GPM6B: variants seen among roughly 807,000 people sequenced by gnomAD.
GPM6B encodes the protein neuronal membrane glycoprotein M6-b.
GPM6B carries 4 observed loss-of-function variants against 27.2 expected under a neutral mutation model. The ratio of observed to expected loss-of-function variants is 0.15; its 90% CI spans 0.07 to 0.34. The LOEUF (loss-of-function observed/expected upper bound fraction) is 0.34. Among genes scored for constraint, GPM6B ranks in the 10% least tolerant of loss-of-function variants. GPM6B has a pLI of 1.00. For missense variants in GPM6B, 183 were observed against 261.9 expected, an observed-to-expected ratio of 0.70 and a Z score of 2.08; for synonymous variants, 124 against 103.1, an observed-to-expected ratio of 1.20 and a Z score of -1.23.
chrX:13,775,027 G>GT (rs1221945271), intron 7 of GPM6B, among the ~76,000 whole-genome samples: 4 of 111,695 alleles, frequency 3.6e-5, no homozygotes, highest in Non-Finnish European at 7.5e-5. Flanking sequence ...TTTAAAGGTG[G>GT]TTTTTTTCAT....
chrX:13,896,695 G>A lies in GPM6B; in HGVS notation c.-198+41632C>T, dbSNP rs1239603418. 8.1e-5 allele frequency among the ~76,000 whole-genome samples: 9 copies of A among 110,450 alleles called. No individual in the cohort carries two copies. In the Admixed American group the frequency reaches 8.7e-4, roughly 11 times the overall value. ...TGATTTTCCTGCCTCAGCCTCCCAA[G>A]TAGCTGAGACTACAGGTGTGTGCCA... On this transcript the variant is annotated intron_variant, in intron 1 of 6. Transcript: ENST00000398361.
At chrX:13,901,155 T>C (rs1185356225) in intron 1 of GPM6B, among the ~76,000 whole-genome samples, 2 of 111,918 alleles carry the variant, frequency 1.8e-5, no homozygotes, top group African/African-American at 6.5e-5. Context: ...AGCATAATCC[T>C]TCTCTTTCTA....
chrX:13,849,305 G>T (rs959525554), intron 1 of GPM6B, among the ~76,000 whole-genome samples: 1 of 112,491 alleles, frequency 8.9e-6, no homozygotes, highest in Non-Finnish European at 1.9e-5. Context: ...AATCATCAGG[G>T]TTTCCACAAG....
chrX:13,842,170 C>A (rs1055528026), intron 1 of GPM6B, among the ~76,000 whole-genome samples: 3 of 112,339 alleles, frequency 2.7e-5, no homozygotes, highest in East Asian at 2.8e-4. Context: ...AGCACCTATT[C>A]TAGGTTTAGA....
chrX:13,786,707 T>C (rs1253627983), intron 2 of GPM6B, among the ~76,000 whole-genome samples: 1 of 110,719 alleles, frequency 9.0e-6, no homozygotes, highest in Non-Finnish European at 1.9e-5. Context: ...ATCCATGAAG[T>C]GGAATGAAGG....
At chrX:13,875,672 T>C (rs759871610) in intron 1 of GPM6B, among the ~76,000 whole-genome samples, 78 of 111,961 alleles carry the variant, frequency 7.0e-4, no homozygotes, top group Non-Finnish European at 1.3e-3. Context: ...ATCTGTACAA[T>C]GGAATAGCAG....
At chrX:13,808,704 T>C (rs1315629031) in intron 1 of GPM6B, among the ~76,000 whole-genome samples, 1 of 111,064 alleles carries the variant, frequency 9.0e-6, no homozygotes, top group East Asian at 2.8e-4. Flanking sequence ...ATGTGGGTAA[T>C]GATTCCATCA....
At chrX:13,837,786 G>C (rs2049522320) in intron 1 of GPM6B, among the ~76,000 whole-genome samples, 1 of 75,592 alleles carries the variant, frequency 1.3e-5, no homozygotes, top group Non-Finnish European at 2.9e-5. Flanking sequence ...TCATGGATTT[G>C]CTTCCTTCAA....
chrX:13,775,250 A>G (rs775514196), intron 7 of GPM6B, among the ~76,000 whole-genome samples: 68 of 112,742 alleles, frequency 6.0e-4, no homozygotes, highest in African/African-American at 2.0e-3. Flanking sequence ...GTGACTGCCT[A>G]CTTGCTAAGA....
rs1319741982 is a variant in GPM6B, at chrX:13,858,945, T to C, written c.-197-73137A>G. Among the ~76,000 whole-genome samples the C allele has an allele frequency of 2.7e-5, 3 of 112,404 alleles. No homozygotes were observed. In the South Asian group the frequency reaches 1.1e-3, roughly 41 times the overall value. On this transcript the variant is annotated intron_variant, in intron 1 of 6. Coordinates refer to the GPM6B transcript ENST00000398361. Reference sequence around the variant, plus strand: ...AGGCATGTGTATGAAGCGTGCTCAATAGCACCTGCATTAAGTTTCCTTTGA... The same window carrying C: ...AGGCATGTGTATGAAGCGTGCTCAACAGCACCTGCATTAAGTTTCCTTTGA...
chrX:13,810,253 AC>A (rs1272631156), intron 1 of GPM6B, among the ~76,000 whole-genome samples: 5 of 112,415 alleles, frequency 4.4e-5, no homozygotes, highest in Middle Eastern at 4.6e-3. Context: ...CAGAAAAAAA[AC>A]AGAAGGTCAA....
At chrX:13,773,310 CTTT>C (rs11305581) in intron 7 of GPM6B, 333 of 133,196 alleles carry the variant, frequency 2.5e-3, no homozygotes, top group East Asian at 9.0e-3. Context: ...CGAGAGGGTG[CTTT>C]TTTTTTTTTT....
At chrX:13,840,871 C>T (rs1055596036) in intron 1 of GPM6B, among the ~76,000 whole-genome samples, 1 of 111,585 alleles carries the variant, frequency 9.0e-6, no homozygotes, top group Non-Finnish European at 1.9e-5. Flanking sequence ...CATATACACA[C>T]GTATGAAGGG....
intron 1 of GPM6B, among the ~76,000 whole-genome samples, chrX:13,837,642 C>T (rs142054392): frequency 0.023 from 2,274 of 97,645 alleles, 43 homozygotes; most frequent in Non-Finnish European, 0.034. Flanking sequence ...AAATGTGCTG[C>T]AAATTAGCAT....
At chrX:13,919,080 A>T (rs1054374187) in intron 1 of GPM6B, among the ~76,000 whole-genome samples, 3 of 112,005 alleles carry the variant, frequency 2.7e-5, no homozygotes, top group South Asian at 3.8e-4. Flanking sequence ...AAATATCGTT[A>T]TACCAGCACA....
Position 13,783,534 on chromosome X carries a change from G to T in GPM6B, c.369-13C>A, listed in dbSNP as rs200320105. On this transcript the variant is annotated splice_polypyrimidine_tract_variant and intron_variant, in intron 3 of 7. Coordinates refer to ENST00000316715, the MANE Select transcript of GPM6B (RefSeq NM_001001995.3). ...CATCAGTTGTATCCTACAAAGAGAA[G>T]AAGAGATCCTGAACCATTAAATTCA... 2.5e-6 allele frequency: 3 copies of T among 1,179,164 alleles called. No individual in the cohort carries two copies. The highest frequency in any genetic ancestry group is 3.5e-5 in the African/African-American group (2 of 56,363).
chrX:13,859,667 T>TA lies in GPM6B; in HGVS notation c.-197-73860dup, dbSNP rs1325979833. 7.4e-4 allele frequency among the ~76,000 whole-genome samples: 78 copies of TA among 106,023 alleles called. 1 individual carries two copies. The highest frequency in any genetic ancestry group is 5.7e-3 in the South Asian group (14 of 2,469). The allele number at this position is 106,023 out of a possible 115,157, so 92.1% of individuals were successfully genotyped here. ...AAGAGATGGATAGTTTTTGTTCATC[T>TA]AAAAAAAAAAGTGAAGTTGCACAAG... On this transcript the variant is annotated intron_variant, in intron 1 of 6. Transcript: ENST00000398361.
In GPM6B at chrX:13,868,287, C is replaced by T. The variant is rs570280313; in HGVS notation, c.-198+70040G>A. Among the ~76,000 whole-genome samples the T allele has an allele frequency of 3.7e-4, 41 of 111,307 alleles. No individual in the cohort carries two copies. The South Asian group carries it at 0.015, about 41-fold the overall frequency. On this transcript the variant is annotated intron_variant, in intron 1 of 6. Coordinates refer to the GPM6B transcript ENST00000398361. ...CTTTGTATTAATAACTTTTAGATAA[C>T]AAGAAGTGAAAATTGCTAGATTTCA...
intron 2 of GPM6B, among the ~76,000 whole-genome samples, chrX:13,801,389 G>T (rs1028804577): frequency 5.4e-5 from 6 of 112,138 alleles, no homozygotes; most frequent in Non-Finnish European, 7.5e-5. Flanking sequence ...GAAGATTTTA[G>T]GAAACTGAGT....
Sources: allele counts gnomAD v4.1 joint callset (sites outside exome capture counted in the v4.1 genomes callset), GRCh38; gene constraint gnomAD v4.1.1; transcripts MANE v1.5; gene names NCBI Gene and HGNC (gene_info 2026-07-23, HGNC 2026-07-21).